The following NIPAL2 variants were observed in gnomAD, a reference collection of about 807,000 sequenced individuals.
NIPAL2 encodes the protein NIPA-like protein 2.
Under a neutral mutation model 48.9 loss-of-function variants are expected in NIPAL2, and 43 were observed. That is an observed-to-expected ratio of 0.88 (90% CI 0.69 to 1.13). The LOEUF (loss-of-function observed/expected upper bound fraction) is 1.13. Among genes scored for constraint, NIPAL2 ranks in the 50% most tolerant of loss-of-function variants. NIPAL2 has a pLI of 0.00. For missense variants in NIPAL2, 446 were observed against 461.4 expected (o/e 0.97, Z 0.31); for synonymous variants, 167 against 174.6 (o/e 0.96, Z 0.34).
intron 5 of NIPAL2, among the ~76,000 whole-genome samples, chr8:98,221,731 A>C (rs953097002): frequency 1.3e-5 from 2 of 152,184 alleles, no homozygotes; most frequent in Non-Finnish European, 2.9e-5. Flanking sequence ...GCAAATCAAA[A>C]CCACAGTGAG....
chr8:98,242,330 C>T (rs1426467283), intron 3 of NIPAL2, among the ~76,000 whole-genome samples: 5 of 151,892 alleles, frequency 3.3e-5, no homozygotes, highest in African/African-American at 7.3e-5. Context: ...TAGGCAATAC[C>T]GTGTACTAAC....
intron 1 of NIPAL2, among the ~76,000 whole-genome samples, chr8:98,255,772 G>T (rs1316866278): frequency 6.6e-6 from 1 of 152,092 alleles, no homozygotes; most frequent in Non-Finnish European, 1.5e-5. Flanking sequence ...TCAGGAAAAT[G>T]AAGACTGAGA....
At chr8:98,284,308 C>T (rs908790485) in intron 1 of NIPAL2, among the ~76,000 whole-genome samples, 1 of 152,070 alleles carries the variant, frequency 6.6e-6, no homozygotes, top group Non-Finnish European at 1.5e-5. Context: ...CATGTTAGTT[C>T]TGGAAGTTTA....
chr8:98,191,947 A>G lies in NIPAL2; in HGVS notation c.*1031T>C, dbSNP rs2130671741. On this transcript the variant is annotated 3_prime_UTR_variant, in exon 11 of 11. Coordinates refer to ENST00000430223, the MANE Select transcript of NIPAL2 (RefSeq NM_001321635.2). ...TAATCACAACTCTCCTTTTATCTAG[A>G]AGAATTTACAAAGCTTGAGGTAATG... The G allele has an allele frequency of 6.6e-6, 1 of 152,306 alleles. No homozygotes were observed. Among genetic ancestry groups the G allele is most frequent in the Non-Finnish European group, 1.5e-5 (1 of 68,024 alleles). The allele number at this position is 152,306 out of a possible 1,614,324, so 9.4% of individuals were successfully genotyped here.
intron 6 of NIPAL2, among the ~76,000 whole-genome samples, chr8:98,206,354 A>AAT (rs34350394): frequency 0.075 from 11,385 of 151,400 alleles, 480 homozygotes; most frequent in Middle Eastern, 0.12. Flanking sequence ...ATGTATTTGA[A>AAT]ATATATATAT....
At chr8:98,283,498 C>T (rs1815972693) in intron 1 of NIPAL2, among the ~76,000 whole-genome samples, 2 of 152,162 alleles carry the variant, frequency 1.3e-5, no homozygotes, top group South Asian at 4.2e-4. Context: ...ACAAAGAATG[C>T]CACTGTCTAT....
In NIPAL2 at chr8:98,294,178, G is replaced by C; in HGVS notation, c.-41C>G. On this transcript the variant is annotated 5_prime_UTR_variant, in exon 1 of 11. Transcript: ENST00000430223. ...GCGCTCGGGCTCCGGCTCGGGCTGC[G>C]GCCGCCTCCCCGCCCTGTTGCACCG... The C allele has an allele frequency of 7.6e-7, 1 of 1,315,048 alleles. No individual in the cohort carries two copies. The highest frequency in any genetic ancestry group is 9.7e-7 in the Non-Finnish European group (1 of 1,034,352). 81.5% of individuals were successfully genotyped at this position (1,315,048 alleles called of 1,614,324 possible).
intron 4 of NIPAL2, among the ~76,000 whole-genome samples, chr8:98,226,897 A>G (rs1476953117): frequency 6.6e-6 from 1 of 152,170 alleles, no homozygotes; most frequent in Non-Finnish European, 1.5e-5. Context: ...GATGCTGTCC[A>G]GGAGCCAGGC....
chr8:98,237,146 G>A (rs575402592), intron 3 of NIPAL2, among the ~76,000 whole-genome samples: 2 of 151,848 alleles, frequency 1.3e-5, no homozygotes, highest in Admixed American at 6.6e-5. Context: ...CTGCAACATT[G>A]GACTCCTAGG....
intron 4 of NIPAL2, among the ~76,000 whole-genome samples, chr8:98,228,928 A>G (rs1342919546): frequency 6.6e-6 from 1 of 152,344 alleles, no homozygotes; most frequent in East Asian, 1.9e-4. Flanking sequence ...CATAACTAAC[A>G]GACATAACAA....
chr8:98,252,086 C>A (rs1813617442), intron 3 of NIPAL2: 1 of 161,570 alleles, frequency 6.2e-6, no homozygotes, highest in African/African-American at 2.4e-5. Context: ...GAAGTCAAGA[C>A]CAGGCATCAA....
At chr8:98,247,156 G>A (rs1204942020) in intron 3 of NIPAL2, among the ~76,000 whole-genome samples, 1 of 152,162 alleles carries the variant, frequency 6.6e-6, no homozygotes, top group Non-Finnish European at 1.5e-5. Context: ...GCAATGAACT[G>A]TTTAACCACC....
chr8:98,204,489 GAGAT>G (rs1447258074), intron 7 of NIPAL2, among the ~76,000 whole-genome samples: 1 of 152,170 alleles, frequency 6.6e-6, no homozygotes, highest in African/African-American at 2.4e-5. Context: ...CCCAATGTGA[GAGAT>G]AGAGGGGAAG....
At chr8:98,266,994 C>T (rs1230804184) in intron 1 of NIPAL2, among the ~76,000 whole-genome samples, 2 of 151,864 alleles carry the variant, frequency 1.3e-5, no homozygotes, top group Non-Finnish European at 2.9e-5. Context: ...AACTGCCAAC[C>T]TGTTGTTTGG....
Position 98,259,050 on chromosome 8 carries a change from T to C in NIPAL2, c.136-4963A>G, listed in dbSNP as rs183004733. On this transcript the variant is annotated intron_variant, in intron 1 of 10. Coordinates refer to ENST00000430223, the MANE Select transcript of NIPAL2 (RefSeq NM_001321635.2). ...ATTTTTCATCAAGACAGCATTATGC[T>C]GCTGTTCCTTTAAATATTCCTTTTT... 1.3e-3 allele frequency among the ~76,000 whole-genome samples: 191 copies of C among 150,140 alleles called. 1 individual carries two copies. The highest frequency in any genetic ancestry group is 4.5e-3 in the African/African-American group (182 of 40,720).
At chr8:98,255,681 C>G (rs187882928) in intron 1 of NIPAL2, among the ~76,000 whole-genome samples, 1 of 152,160 alleles carries the variant, frequency 6.6e-6, no homozygotes, top group African/African-American at 2.4e-5. Context: ...TGATCACTAT[C>G]CCTCATGGGG....
chr8:98,194,564 A>G (rs996623473), intron 10 of NIPAL2, among the ~76,000 whole-genome samples, 164 bp downstream of exon 10: 1 of 152,216 alleles, frequency 6.6e-6, no homozygotes, highest in African/African-American at 2.4e-5. Context: ...TCAATAAATT[A>G]TTAGAAACAT....
At chr8:98,243,880 C>T (rs184597966) in intron 3 of NIPAL2, among the ~76,000 whole-genome samples, 1 of 152,132 alleles carries the variant, frequency 6.6e-6, no homozygotes, top group African/African-American at 2.4e-5. Context: ...TATTTAAACT[C>T]TCTTCCCCTA....
At chr8:98,233,532 G>T (rs532831877) in intron 4 of NIPAL2, among the ~76,000 whole-genome samples, 2 of 152,206 alleles carry the variant, frequency 1.3e-5, no homozygotes, top group East Asian at 3.9e-4. Context: ...TTACATATTT[G>T]CCAGAAAAGT....
Sources: gnomAD v4.1 joint callset for allele counts (sites outside exome capture counted in the v4.1 genomes callset) on GRCh38, gnomAD v4.1.1 for gene constraint, MANE v1.5 for transcripts, NCBI Gene and HGNC (gene_info 2026-07-23, HGNC 2026-07-21) for gene names.